TFG: variants seen among roughly 807,000 people sequenced by gnomAD.
TFG encodes the protein trafficking from ER to golgi regulator.
In TFG, 22 loss-of-function variants were observed where a neutral mutation model predicts 51.4. That is an observed-to-expected ratio of 0.43 (90% confidence interval 0.31 to 0.61). TFG has a LOEUF of 0.61. TFG is among the 20% of genes least tolerant of loss of function. The probability of loss-of-function intolerance (pLI) is 0.12; values close to 1 mark genes in which losing one functional copy is unlikely to be tolerated. For missense variants in TFG, 419 were observed against 487.7 expected (o/e 0.86, Z 1.33); for synonymous variants, 187 against 165.6 (o/e 1.13, Z -0.99).
At chr3:100,713,508 C>G in intron 1 of TFG, 135 bp from the exon 2 acceptor site, 1 of 399,864 alleles carries the variant, frequency 2.5e-6, no homozygotes, top group Non-Finnish European at 4.4e-6. Context: ...GCCTCCAGAC[C>G]ATTTTAACAT....
chr3:100,710,996 T>A (rs1360102329), intron 1 of TFG: 1 of 152,224 alleles, frequency 6.6e-6, no homozygotes, highest in Admixed American at 6.5e-5. Flanking sequence ...AACGACAGCT[T>A]TAGGAAAGAA....
At chr3:100,735,768 TATAGTGGCTCC>T (rs1196783152) in intron 5 of TFG, among the ~76,000 whole-genome samples, 1 of 152,212 alleles carries the variant, frequency 6.6e-6, no homozygotes, top group Admixed American at 6.5e-5. Flanking sequence ...TTGTAAGAAT[TATAGTGGCTCC>T]ATATGTAAGT....
intron 5 of TFG, 52 bp from the exon 6 acceptor site, chr3:100,736,524 T>C (rs2095106739): frequency 1.3e-6 from 2 of 1,588,390 alleles, no homozygotes; most frequent in Non-Finnish European, 1.7e-6. Context: ...TTGAGCTTGC[T>C]GGGGGAAGGC....
intron 7 of TFG, among the ~76,000 whole-genome samples, chr3:100,745,840 A>T (rs2149097776): frequency 6.6e-6 from 1 of 152,300 alleles, no homozygotes; most frequent in South Asian, 2.1e-4. Context: ...CTACTTTTAT[A>T]TTCTCTACTG....
chr3:100,713,064 G>A (rs1214438051), intron 1 of TFG, among the ~76,000 whole-genome samples: 2 of 152,352 alleles, frequency 1.3e-5, no homozygotes, highest in Admixed American at 6.5e-5. Flanking sequence ...TTACTTAACA[G>A]TGTTAACTCT....
intron 3 of TFG, among the ~76,000 whole-genome samples, chr3:100,726,734 G>T (rs967858694): frequency 6.6e-6 from 1 of 152,102 alleles, no homozygotes; most frequent in Non-Finnish European, 1.5e-5. Context: ...TGAATACCAC[G>T]GAGAACAATA....
At chr3:100,732,788 A>G (rs1025098043) in intron 5 of TFG, 116 bp downstream of exon 5, 37 of 896,560 alleles carry the variant, frequency 4.1e-5, no homozygotes, top group Non-Finnish European at 6.2e-5. Context: ...ACAAATCTTA[A>G]GGGTTCTGCT....
At chr3:100,741,331 G>T (rs1289569657) in intron 6 of TFG, among the ~76,000 whole-genome samples, 1 of 152,104 alleles carries the variant, frequency 6.6e-6, no homozygotes, top group Admixed American at 6.6e-5. Context: ...TGATATCAAT[G>T]ATCCTGATGC....
intron 5 of TFG, among the ~76,000 whole-genome samples, chr3:100,733,979 G>T (rs1278284951): frequency 6.6e-6 from 1 of 152,024 alleles, no homozygotes; most frequent in African/African-American, 2.4e-5. Context: ...TGGCTACAAA[G>T]ATCATTAGCA....
rs755728694 is a variant in TFG at position 100,748,250 on chromosome 3, C to T, written c.922C>T (p.Pro308Ser). ...ACCAGCTCCTGCCTTTTCTGGTCAG[C>T]CTCAACAACTGCCTGCTCAGCCGCC... ...QAPAPAFSGQ[P>S]QQLPAQPPQQ... Residue 308 changes from proline to serine, a missense_variant, in exon 8 of 8, where the codon CCT (proline) becomes TCT (serine). Coordinates refer to ENST00000240851, the MANE Select transcript of TFG (RefSeq NM_006070.6). 16 of 1,614,136 alleles carry T rather than the reference C, an allele frequency of 9.9e-6. No homozygotes were observed. Among genetic ancestry groups the T allele is most frequent in the South Asian group, 7.7e-5 (7 of 91,078 alleles).
intron 3 of TFG, among the ~76,000 whole-genome samples, chr3:100,721,521 G>A (rs1317839205): frequency 1.3e-5 from 2 of 152,170 alleles, no homozygotes; most frequent in Non-Finnish European, 2.9e-5. Context: ...GGGCCGTCAG[G>A]GGCTTGGGAA....
chr3:100,710,819 C>T (rs1175236718), intron 1 of TFG, among the ~76,000 whole-genome samples: 1 of 152,184 alleles, frequency 6.6e-6, no homozygotes, highest in African/African-American at 2.4e-5. Context: ...ACTGGCAGTT[C>T]TAGGAACTAG....
chr3:100,748,301 C>T lies in TFG; in HGVS notation c.973C>T (p.Pro325Ser), dbSNP rs367770979. The stretch of plus-strand genomic sequence containing the variant: ...ACAGCAGTACCAGGCGAGCAATTAT[C>T]CTGCACAAACTTACACTGCCCAAAC... ...PPQQYQASNYPAQTYTAQTSQ... is the reference protein window; with the variant it reads ...PPQQYQASNYSAQTYTAQTSQ... The change falls in exon 8 of 8, where the codon CCT (proline) becomes TCT (serine). Residue 325 changes from proline to serine, a missense_variant. By Grantham distance (74) the Pro-to-Ser change is moderately conservative (BLOSUM62 -1). Coordinates refer to ENST00000240851, the MANE Select transcript of TFG (RefSeq NM_006070.6). 6.8e-6 allele frequency: 11 copies of T among 1,613,968 alleles called. No individual in the cohort carries two copies. In the African/African-American group the frequency reaches 1.5e-4, roughly 22 times the overall value.
chr3:100,739,786 A>G (rs577750619), intron 6 of TFG, among the ~76,000 whole-genome samples: 2 of 152,254 alleles, frequency 1.3e-5, no homozygotes, highest in African/African-American at 4.8e-5. Context: ...TATTATACTC[A>G]GGTATTTCAG....
intron 2 of TFG, among the ~76,000 whole-genome samples, chr3:100,717,709 C>T (rs944669751): frequency 1.3e-5 from 2 of 150,946 alleles, no homozygotes; most frequent in Non-Finnish European, 2.9e-5. Context: ...TATAGAAACA[C>T]TACTTATTTT....
chr3:100,711,389 C>T (rs994183784), intron 1 of TFG, among the ~76,000 whole-genome samples: 1 of 152,316 alleles, frequency 6.6e-6, no homozygotes, highest in South Asian at 2.1e-4. Context: ...GTGTGAGCCA[C>T]CGTGCCCGGC....
intron 3 of TFG, among the ~76,000 whole-genome samples, chr3:100,723,544 G>A (rs2095066560): frequency 6.6e-6 from 1 of 152,088 alleles, no homozygotes; most frequent in Admixed American, 6.5e-5. Flanking sequence ...TGAAAGTAAA[G>A]GGCTAGGAAA....
rs2095158746 is a variant in TFG at position 100,748,754 on chromosome 3, T to G, written c.*223T>G. On this transcript the variant is annotated 3_prime_UTR_variant, in exon 8 of 8. Transcript: ENST00000240851. ...AAAATGTAGCAGCTTCTTAGTTACT[T>G]TGGAACACTACTCTTACATGTATAA... 7.6e-6 allele frequency: 4 copies of G among 524,374 alleles called. No homozygotes were observed. Among genetic ancestry groups the G allele is most frequent in the South Asian group, 2.8e-5 (1 of 35,292 alleles). The allele number at this position is 524,374 out of a possible 1,614,324, so 32.5% of individuals were successfully genotyped here.
At chr3:100,732,694 TTACA>T in intron 5 of TFG, 22 bp downstream of exon 5, 1 of 1,572,200 alleles carries the variant, frequency 6.4e-7, no homozygotes, top group Non-Finnish European at 8.6e-7. Flanking sequence ...TCCAACTCCT[TTACA>T]CCCTTCGTTT....
Sources: gnomAD v4.1 joint callset for allele counts (sites outside exome capture counted in the v4.1 genomes callset) on GRCh38, gnomAD v4.1.1 for gene constraint, MANE v1.5 for transcripts, NCBI Gene and HGNC (gene_info 2026-07-23, HGNC 2026-07-21) for gene names.